The following PTPRD variants were observed in gnomAD, a reference collection of about 807,000 sequenced individuals.
PTPRD encodes the protein protein tyrosine phosphatase receptor type D.
In PTPRD, 34 loss-of-function variants were observed where a neutral mutation model predicts 214.5. The ratio of observed to expected loss-of-function variants is 0.16; its 90% CI spans 0.12 to 0.21. The LOEUF is 0.21. Among genes scored for constraint, PTPRD ranks in the 10% least tolerant of loss-of-function variants. The pLI is 1.00. For synonymous variants in PTPRD, 1,128 were observed against 845.7 expected (o/e 1.33, Z -5.79); for missense variants, 2,545 against 2,398.7 (o/e 1.06, Z -1.27).
At chr9:8,586,950 A>G (rs963527628) in intron 14 of PTPRD, among the ~76,000 whole-genome samples, 4 of 152,174 alleles carry the variant, frequency 2.6e-5, no homozygotes, top group Non-Finnish European at 5.9e-5. Context: ...GATTGAGACC[A>G]TCCTGACTAA....
chr9:9,576,581 C>T (rs1418468701), intron 7 of PTPRD, among the ~76,000 whole-genome samples: 1 of 152,152 alleles, frequency 6.6e-6, no homozygotes, highest in Non-Finnish European at 1.5e-5. Context: ...GAGTGACCTT[C>T]TTTCTTGCCC....
In PTPRD at chr9:10,043,254, T is replaced by C. The variant is rs574621207; in HGVS notation, c.-544-9464A>G. On this transcript the variant is annotated intron_variant, in intron 3 of 45. Transcript: ENST00000381196. ...CTGCAATTTATATGTAAAACTAGTA[T>C]CTTATTAGTTAAATAATCAAAGTGA... Among the ~76,000 whole-genome samples the C allele has an allele frequency of 1.3e-3, 204 of 152,100 alleles. 4 individuals carry two copies. Among genetic ancestry groups the C allele is most frequent in the Middle Eastern group, 3.4e-3 (1 of 294 alleles).
intron 3 of PTPRD, among the ~76,000 whole-genome samples, chr9:10,123,645 C>G (rs558814818): frequency 6.6e-6 from 1 of 152,136 alleles, no homozygotes; most frequent in Admixed American, 6.5e-5. Flanking sequence ...GAGGGAAAAA[C>G]GTGGGCAGAT....
chr9:8,958,590 T>C (rs1367771906), intron 11 of PTPRD: 2 of 151,910 alleles, frequency 1.3e-5, no homozygotes, highest in Non-Finnish European at 2.9e-5. Context: ...ACTAAGCCAA[T>C]AAAGCTTCCG....
At chr9:9,225,749 C>G (rs1453120224) in intron 9 of PTPRD, among the ~76,000 whole-genome samples, 1 of 151,972 alleles carries the variant, frequency 6.6e-6, no homozygotes, top group Non-Finnish European at 1.5e-5. Flanking sequence ...GGAAAAGCAA[C>G]AGAGAATTTT....
intron 3 of PTPRD, among the ~76,000 whole-genome samples, chr9:10,187,377 C>T (rs552424875): frequency 2.4e-4 from 36 of 152,230 alleles, no homozygotes; most frequent in Admixed American, 1.4e-3. Context: ...AGGATCCTGA[C>T]TTTTATTATA....
chr9:8,726,042 C>CAA (rs763665454), intron 12 of PTPRD, among the ~76,000 whole-genome samples: 7,533 of 149,304 alleles, frequency 0.05, 236 homozygotes, highest in Middle Eastern at 0.12. Flanking sequence ...CACACACACA[C>CAA]ACACACACAC....
intron 11 of PTPRD, among the ~76,000 whole-genome samples, chr9:8,883,148 A>G (rs1057503094): frequency 7.2e-5 from 11 of 152,302 alleles, no homozygotes; most frequent in East Asian, 1.9e-4. Flanking sequence ...TATTGTGCCA[A>G]TTGGATTACA....
intron 8 of PTPRD, among the ~76,000 whole-genome samples, chr9:9,565,877 C>T (rs528499810): frequency 1.3e-5 from 2 of 151,816 alleles, no homozygotes; most frequent in Non-Finnish European, 2.9e-5. Flanking sequence ...TGAAAATGAC[C>T]AAGTAACCCT....
chr9:9,479,668 T>C (rs910716172), intron 8 of PTPRD, among the ~76,000 whole-genome samples: 1 of 152,116 alleles, frequency 6.6e-6, no homozygotes, highest in Non-Finnish European at 1.5e-5. Flanking sequence ...TGATAATAAA[T>C]GATGGCAATC....
rs372960632 is a variant in PTPRD at position 8,835,588 on chromosome 9, G to A, written c.-103-101642C>T. Among the ~76,000 whole-genome samples the A allele has an allele frequency of 2.6e-5, 4 of 152,176 alleles. No homozygotes were observed. The South Asian group carries it at 6.2e-4, about 24-fold the overall frequency. ...TCTGTCACTCAAGCTGGAGTGCAGT[G>A]GCACAATCATGGTTCACTGCAGCCT... On this transcript the variant is annotated intron_variant, in intron 11 of 45. Transcript: ENST00000381196.
chr9:9,545,577 T>C (rs1411024469), intron 8 of PTPRD, among the ~76,000 whole-genome samples: 1 of 151,884 alleles, frequency 6.6e-6, no homozygotes, highest in Non-Finnish European at 1.5e-5. Context: ...AATATCTGTG[T>C]ACAGAGTTTT....
At chr9:8,433,061 C>A (rs1217506128) in intron 35 of PTPRD, among the ~76,000 whole-genome samples, 1 of 152,330 alleles carries the variant, frequency 6.6e-6, no homozygotes, top group South Asian at 2.1e-4. Flanking sequence ...ATAGATGCAA[C>A]TGAGATTGCT....
intron 36 of PTPRD, among the ~76,000 whole-genome samples, chr9:8,391,217 T>C (rs945274155): frequency 1.3e-5 from 2 of 152,138 alleles, no homozygotes; most frequent in African/African-American, 4.8e-5. Flanking sequence ...TTGCAATGAC[T>C]TTGACTGCTT....
At chr9:9,641,508 A>T (rs891574298) in intron 7 of PTPRD, among the ~76,000 whole-genome samples, 3 of 152,180 alleles carry the variant, frequency 2.0e-5, no homozygotes, top group Non-Finnish European at 2.9e-5. Context: ...GGAAAGTACC[A>T]TAGTGTGTCA....
intron 2 of PTPRD, among the ~76,000 whole-genome samples, chr9:10,440,334 A>G (rs557016607): frequency 6.6e-6 from 1 of 151,850 alleles, no homozygotes; most frequent in South Asian, 2.1e-4. Flanking sequence ...AGTGCTATGA[A>G]TTTTTAAAAA....
At chr9:8,813,445 G>A (rs2096856452) in intron 11 of PTPRD, among the ~76,000 whole-genome samples, 1 of 152,122 alleles carries the variant, frequency 6.6e-6, no homozygotes, top group South Asian at 2.1e-4. Flanking sequence ...ACAGCTCACT[G>A]CTACAGCCTT....
chr9:10,428,982 G>A (rs935994256), intron 2 of PTPRD, among the ~76,000 whole-genome samples: 2 of 151,980 alleles, frequency 1.3e-5, no homozygotes, highest in Non-Finnish European at 2.9e-5. Context: ...GCATAGGGTT[G>A]GTTGTGGCAA....
At chr9:9,077,180 G>T (rs941629285) in intron 10 of PTPRD, among the ~76,000 whole-genome samples, 14 of 147,886 alleles carry the variant, frequency 9.5e-5, no homozygotes, top group African/African-American at 3.2e-4. Flanking sequence ...TGTAGAGTTG[G>T]TTGAGCTCCT....
Sources: allele counts gnomAD v4.1 joint callset (sites outside exome capture counted in the v4.1 genomes callset), GRCh38; gene constraint gnomAD v4.1.1; transcripts MANE v1.5; gene names NCBI Gene and HGNC (gene_info 2026-07-23, HGNC 2026-07-21).